LNX1: variants seen among roughly 807,000 people sequenced by gnomAD.
LNX1 encodes ligand of numb-protein X 1, also known as E3 ubiquitin-protein ligase LNX.
In LNX1, 54 loss-of-function variants were observed where a neutral mutation model predicts 68.4. That is an observed-to-expected ratio of 0.79 (90% CI 0.63 to 0.99). The LOEUF is 0.99. LNX1 is among the 50% of genes least tolerant of loss of function. The pLI, the probability that LNX1 is intolerant of heterozygous loss-of-function variation, is 0.00. For missense variants in LNX1, 906 were observed against 926.4 expected (o/e 0.98, Z 0.29); for synonymous variants, 336 against 350.0 (o/e 0.96, Z 0.45).
chr4:53,559,557 T>C (rs1233242471), intron 2 of LNX1, among the ~76,000 whole-genome samples: 7 of 152,194 alleles, frequency 4.6e-5, no homozygotes, highest in African/African-American at 9.7e-5. Flanking sequence ...ACAATAGTAA[T>C]AGTGCTTAAC....
At chr4:53,643,810 A>G (rs1354070236) in intron 1 of LNX1, among the ~76,000 whole-genome samples, 1 of 152,178 alleles carries the variant, frequency 6.6e-6, no homozygotes, top group African/African-American at 2.4e-5. Flanking sequence ...GAATTATGAA[A>G]ATTAAACAAG....
At chr4:53,467,428 G>C (rs1722769713) in intron 9 of LNX1, among the ~76,000 whole-genome samples, 1 of 152,168 alleles carries the variant, frequency 6.6e-6, no homozygotes, top group South Asian at 2.1e-4. Context: ...ATAAAAATCA[G>C]AGCGCCTCTC....
intron 2 of LNX1, among the ~76,000 whole-genome samples, chr4:53,514,350 A>G (rs1487712558): frequency 6.6e-6 from 1 of 152,224 alleles, no homozygotes; most frequent in African/African-American, 2.4e-5. Context: ...CTGCCAATAA[A>G]GACATACCCA....
At chr4:53,584,665 G>A (rs908322917) in intron 1 of LNX1, among the ~76,000 whole-genome samples, 2 of 152,250 alleles carry the variant, frequency 1.3e-5, no homozygotes, top group Admixed American at 1.3e-4. Context: ...CCCATATGAC[G>A]ACCTCTATGT....
intron 2 of LNX1, among the ~76,000 whole-genome samples, chr4:53,537,590 T>G (rs926462458): frequency 3.0e-4 from 46 of 152,216 alleles, no homozygotes; most frequent in African/African-American, 1.1e-3. Context: ...ATCTCTCCAT[T>G]TACATTAGTG....
upstream of LNX1, among the ~76,000 whole-genome samples, chr4:53,592,286 A>G (rs534419591): frequency 4.1e-4 from 63 of 152,290 alleles, no homozygotes; most frequent in Middle Eastern, 3.4e-3. Flanking sequence ...TAGCCAGGAA[A>G]GAGACGTCAG....
At chr4:53,516,272 C>T (rs766195521) in intron 2 of LNX1, among the ~76,000 whole-genome samples, 30 of 151,990 alleles carry the variant, frequency 2.0e-4, no homozygotes, top group Non-Finnish European at 3.4e-4. Context: ...ACGCAAAATG[C>T]CAAACAGTAC....
At chr4:53,510,258 G>A (rs1203754928) in intron 2 of LNX1, among the ~76,000 whole-genome samples, 1 of 152,218 alleles carries the variant, frequency 6.6e-6, no homozygotes, top group East Asian at 1.9e-4. Context: ...TATGCATCAT[G>A]GGGATATCTT....
upstream of LNX1, chr4:53,592,852 G>C (rs540080521): frequency 5.9e-5 from 9 of 152,300 alleles, no homozygotes; most frequent in East Asian, 1.9e-4. Flanking sequence ...CGCAAAGCAA[G>C]GGGGAGGAGA....
intron 1 of LNX1, among the ~76,000 whole-genome samples, chr4:53,643,822 G>C (rs1306791773): frequency 6.6e-6 from 1 of 152,142 alleles, no homozygotes; most frequent in Non-Finnish European, 1.5e-5. Flanking sequence ...TTAAACAAGA[G>C]AAGTCAAACC....
intron 7 of LNX1, 114 bp downstream of exon 7, chr4:53,481,606 A>G: frequency 8.2e-7 from 1 of 1,224,004 alleles, no homozygotes. Context: ...TTACAAGTCA[A>G]AGTGTTTCTT....
intron 1 of LNX1, among the ~76,000 whole-genome samples, chr4:53,645,326 G>C (rs1053863945): frequency 1.3e-5 from 2 of 152,150 alleles, no homozygotes; most frequent in African/African-American, 4.8e-5. Flanking sequence ...CTGGAGTTTG[G>C]CAGAGCCCTC....
rs182463021 is a variant in LNX1 at position 53,578,298 on chromosome 4, G to A, written c.-86-4210C>T. Among the ~76,000 whole-genome samples, 346 of 152,248 alleles carry A rather than the reference G, an allele frequency of 2.3e-3. 1 individual carries two copies. Among genetic ancestry groups the A allele is most frequent in the African/African-American group, 7.5e-3 (313 of 41,534 alleles). On this transcript the variant is annotated intron_variant, in intron 1 of 10. Transcript: ENST00000263925. ...TGTTCTGAGAGGTGCATTGTTAGGC[G>A]ATTTGGTCCTTGGGTGAACATCATA...
intron 1 of LNX1, chr4:53,579,327 C>T: frequency 1.1e-6 from 1 of 932,948 alleles, no homozygotes; most frequent in Non-Finnish European, 1.3e-6. Flanking sequence ...ATCACCCTTT[C>T]CTTCTTTCTG....
intron 9 of LNX1, among the ~76,000 whole-genome samples, chr4:53,473,163 T>G (rs1291955196): frequency 1.3e-5 from 2 of 152,150 alleles, no homozygotes; most frequent in African/African-American, 2.4e-5. Flanking sequence ...AAGCAACTGC[T>G]CTATGAACAA....
intron 2 of LNX1, among the ~76,000 whole-genome samples, chr4:53,509,797 G>A (rs1030767766): frequency 1.3e-5 from 2 of 152,166 alleles, no homozygotes; most frequent in African/African-American, 4.8e-5. Context: ...GGGTTGTGAA[G>A]TTTCTGTTGC....
Position 53,496,054 on chromosome 4 carries a change from C to G in LNX1, c.1319G>C (p.Gly440Ala). Residue 440 changes from glycine to alanine, a missense_variant, in exon 6 of 11, where the codon GGC becomes GCC. Coordinates refer to ENST00000263925, the MANE Select transcript of LNX1 (RefSeq NM_001126328.3). Reference sequence around the variant, plus strand: ...CAGATGAGCCGCACTTTCTGGGCTGCCATATCGAAGATCATGTCCATTGAT... The same window carrying G: ...CAGATGAGCCGCACTTTCTGGGCTGGCATATCGAAGATCATGTCCATTGAT... ...LAINGHDLRY[G>A]SPESAAHLIQ... is the part of the protein sequence containing the mutation. The G allele has an allele frequency of 6.2e-7, 1 of 1,613,892 alleles. No homozygotes were observed. The highest frequency in any genetic ancestry group is 8.5e-7 in the Non-Finnish European group (1 of 1,179,830).
chr4:53,620,834 G>A (rs1004036477), upstream of LNX1, among the ~76,000 whole-genome samples: 4 of 152,126 alleles, frequency 2.6e-5, no homozygotes, highest in African/African-American at 7.2e-5. Flanking sequence ...AGTGCAGCAC[G>A]CTCTAAATCA....
intron 1 of LNX1, among the ~76,000 whole-genome samples, chr4:53,636,705 C>T (rs1734493673): frequency 6.6e-6 from 1 of 152,124 alleles, no homozygotes; most frequent in Non-Finnish European, 1.5e-5. Context: ...AAGCAGCCTC[C>T]ACATTTTCCT....
Sources: allele counts gnomAD v4.1 joint callset (sites outside exome capture counted in the v4.1 genomes callset), GRCh38; gene constraint gnomAD v4.1.1; transcripts MANE v1.5; gene names NCBI Gene and HGNC (gene_info 2026-07-23, HGNC 2026-07-21).